Variants in CHRD observed in about 807,000 individuals in gnomAD.
CHRD encodes chordin.
CHRD carries 69 observed loss-of-function variants against 113.7 expected under a neutral mutation model. The observed-to-expected ratio is 0.61, with a 90% CI of 0.50 to 0.74. The LOEUF is 0.74. CHRD is among the 30% of genes least tolerant of loss of function. The pLI is 0.00. For synonymous variants in CHRD, 561 were observed against 540.8 expected (o/e 1.04, Z -0.52); for missense variants, 1,194 against 1,295.8 (o/e 0.92, Z 1.21).
intron 9 of CHRD, 27 bp from the exon 10 acceptor site, chr3:184,382,989 G>A (rs1288486090): frequency 6.2e-7 from 1 of 1,612,492 alleles, no homozygotes; most frequent in Non-Finnish European, 8.5e-7. Context: ...TCTTGCTATT[G>A]CCCATCACAC....
Position 184,387,102 on chromosome 3 carries a change from G to A in CHRD, c.2342G>A (p.Gly781Glu). The change falls in exon 18 of 23, where the codon GGA (glycine) becomes GAA (glutamate). Residue 781 changes from glycine to glutamate, a missense_variant. By Grantham distance (98) the Gly-to-Glu change is moderately conservative (BLOSUM62 -2). Transcript: ENST00000204604. The surrounding 1 kb of genome is among the most constrained non-coding windows in gnomAD (Gnocchi z 6.1). ...GGGCTGCCAAGGAGCCGGGACCCAG[G>A]AGAGGGTGAGCTGGAAGGGTGCGTG... The A allele has an allele frequency of 6.2e-7, 1 of 1,614,074 alleles. No individual in the cohort carries two copies. Among genetic ancestry groups the A allele is most frequent in the East Asian group, 2.2e-5 (1 of 44,880 alleles).
Position 184,381,162 on chromosome 3 carries a change from C to A in CHRD, c.253-73C>A. ...GGCAGAGCTGGCTGACTCTGCGGGACATCCTTGCCTGGGGGGGTCTCATCA... is the reference window on the plus strand; with the variant it reads ...GGCAGAGCTGGCTGACTCTGCGGGAAATCCTTGCCTGGGGGGGTCTCATCA... On this transcript the variant is annotated intron_variant, in intron 2 of 22. Coordinates refer to ENST00000204604, the Ensembl canonical transcript of CHRD. This position sits in a 1 kb window ranked among gnomAD's most constrained non-coding sequence, Gnocchi z 4.7. 6.4e-7 allele frequency: 1 copy of A among 1,563,778 alleles called. No homozygotes were observed. The highest frequency in any genetic ancestry group is 8.8e-7 in the Non-Finnish European group (1 of 1,138,428).
chr3:184,385,336 C>T (rs1716115161), intron 14 of CHRD, 98 bp downstream of exon 14: 2 of 867,758 alleles, frequency 2.3e-6, no homozygotes, highest in African/African-American at 3.3e-5. Context: ...AGCAGGCAGC[C>T]TGGTATAGAA....
At position 184,382,539 on chromosome 3, in the gene CHRD, CAA is replaced by C. The variant is rs766135130; in HGVS notation, c.841+11_841+12del. On this transcript the variant is annotated intron_variant, in intron 7 of 22. Coordinates refer to ENST00000204604, the Ensembl canonical transcript of CHRD. ...CCGGGCCCTGGCTGCAGGTAGGGAG[CAA>C]AGAGCCCCGGGCGTGAAGTTCTGAG... 8 of 1,613,568 alleles carry C rather than the reference CAA, an allele frequency of 5.0e-6. No homozygotes were observed. The East Asian group carries it at 1.8e-4, about 36-fold the overall frequency.
chr3:184,386,341 TG>T, intron 15 of CHRD, 150 bp from the exon 16 acceptor site: 1 of 1,283,748 alleles, frequency 7.8e-7, no homozygotes, highest in Non-Finnish European at 1.1e-6. Context: ...ACCCTATCCC[TG>T]GCAGCTGAGA....
In CHRD at chr3:184,388,271, C is replaced by T. The variant is rs1716655256; in HGVS notation, c.2554+238C>T. ...TCCATCCATCCATCCATCCATCCAT[C>T]CATCCATCCATCCGTCCATTCATCT... On this transcript the variant is annotated intron_variant, in intron 20 of 22. Transcript: ENST00000204604. This position sits in a 1 kb window ranked among gnomAD's most constrained non-coding sequence, Gnocchi z 6.1. Among the ~76,000 whole-genome samples the T allele has an allele frequency of 1.3e-5, 2 of 150,842 alleles. No homozygotes were observed. Among genetic ancestry groups the T allele is most frequent in the South Asian group, 4.2e-4 (2 of 4,802 alleles).
chr3:184,384,440 A>AGT lies in CHRD; in HGVS notation c.1441-89_1441-88dup. 3.1e-6 allele frequency: 4 copies of AGT among 1,309,148 alleles called. No homozygotes were observed. Among genetic ancestry groups the AGT allele is most frequent in the Non-Finnish European group, 3.0e-6 (3 of 1,012,848 alleles). The allele number at this position is 1,309,148 out of a possible 1,614,324, so 81.1% of individuals were successfully genotyped here. ...TTATCCTGTGTTTCTGGTGTGTGGA[A>AGT]GTGTGTGTGGGTGGAGTGGGGGCAC... On this transcript the variant is annotated intron_variant, in intron 12 of 22. Coordinates refer to ENST00000204604, the Ensembl canonical transcript of CHRD. The surrounding 1 kb of genome is among the most constrained non-coding windows in gnomAD (Gnocchi z 4.4).
Position 184,388,562 on chromosome 3 carries a change from A to T in CHRD, c.2555-25A>T. 6.2e-7 allele frequency: 1 copy of T among 1,600,816 alleles called. No individual in the cohort carries two copies. Among genetic ancestry groups the T allele is most frequent in the Non-Finnish European group, 8.5e-7 (1 of 1,177,888 alleles). On this transcript the variant is annotated intron_variant, in intron 20 of 22. Transcript: ENST00000204604. This position sits in a 1 kb window ranked among gnomAD's most constrained non-coding sequence, Gnocchi z 6.1. Reference sequence around the variant, plus strand: ...AAACCTTGTTGGTCCTCCTGGGCTGATCCTTTCTCTTTCCCTCTCAACAGT... The same window carrying T: ...AAACCTTGTTGGTCCTCCTGGGCTGTTCCTTTCTCTTTCCCTCTCAACAGT...
At position 184,386,033 on chromosome 3, in the gene CHRD, T is replaced by C. The variant is rs1287391055; in HGVS notation, c.1819-13T>C. The stretch of plus-strand genomic sequence containing the variant: ...AGTGCCTTATTCCTATCCATTGTCC[T>C]GTCTATGTGCAGGCCCAGGGTGTGG... On this transcript the variant is annotated splice_polypyrimidine_tract_variant and intron_variant, in intron 14 of 22. Coordinates refer to ENST00000204604, the Ensembl canonical transcript of CHRD. 6.2e-7 allele frequency: 1 copy of C among 1,614,082 alleles called. No homozygotes were observed. The highest frequency in any genetic ancestry group is 2.2e-5 in the East Asian group (1 of 44,884).
chr3:184,386,292 T>A, intron 15 of CHRD, 133 bp downstream of exon 15: 1 of 1,194,334 alleles, frequency 8.4e-7, no homozygotes, highest in Non-Finnish European at 1.2e-6. Flanking sequence ...CCCCGGCTGG[T>A]GGGGAGGATG....
At chr3:184,386,411 T>C in intron 15 of CHRD, 81 bp from the exon 16 acceptor site, 3 of 1,509,704 alleles carry the variant, frequency 2.0e-6, no homozygotes, top group Non-Finnish European at 2.6e-6. Context: ...GGCCGAGGTG[T>C]CTCCTGCTGG....
Position 184,384,860 on chromosome 3 carries a change from A to G in CHRD, c.1598-158A>G. ...TGCTGGCGGACTCTTCCTGTTGCTG[A>G]GGTTCAAGGGTCTAAAACTTGCTGC... On this transcript the variant is annotated intron_variant, in intron 13 of 22. Coordinates refer to ENST00000204604, the Ensembl canonical transcript of CHRD. The surrounding 1 kb of genome is among the most constrained non-coding windows in gnomAD (Gnocchi z 4.4). The G allele has an allele frequency of 1.7e-6, 2 of 1,200,130 alleles. No homozygotes were observed. The highest frequency in any genetic ancestry group is 2.3e-5 in the Admixed American group (1 of 44,178). 74.3% of individuals were successfully genotyped at this position (1,200,130 alleles called of 1,614,324 possible).
Position 184,380,289 on chromosome 3 carries a change from T to C in CHRD, c.-30T>C, listed in dbSNP as rs1577375156. The C allele has an allele frequency of 1.2e-6, 1 of 855,110 alleles. No individual in the cohort carries two copies. The highest frequency in any genetic ancestry group is 1.4e-6 in the Non-Finnish European group (1 of 690,364). 53.0% of individuals were successfully genotyped at this position (855,110 alleles called of 1,614,324 possible). On this transcript the variant is annotated 5_prime_UTR_variant, in exon 1 of 23. Coordinates refer to ENST00000204604, the Ensembl canonical transcript of CHRD. The surrounding 1 kb of genome is among the most constrained non-coding windows in gnomAD (Gnocchi z 6.3). ...CCGCCCGCTCCCGCGCCCTCCTCCC[T>C]CCCTCCTCCCCAGCTGTCCCGTTCG...
chr3:184,383,574 A>G, exon 12 of CHRD: 1 of 1,614,140 alleles, frequency 6.2e-7, no homozygotes, highest in Non-Finnish European at 8.5e-7. Flanking sequence ...ACTGGAGACC[A>G]AGCCTCAGCG....
In CHRD at chr3:184,384,823, A is replaced by G. The variant is rs1444378328; in HGVS notation, c.1597+130A>G. 29 of 1,325,464 alleles carry G rather than the reference A, an allele frequency of 2.2e-5. No homozygotes were observed. In the African/African-American group the frequency reaches 4.0e-4, roughly 18 times the overall value. The allele number at this position is 1,325,464 out of a possible 1,614,324, so 82.1% of individuals were successfully genotyped here. ...GGTTGCCATCTGAAGGTGGGGACAT[A>G]TAGGGTGGCCCTGCTGGCGGACTCT... On this transcript the variant is annotated intron_variant, in intron 13 of 22. Transcript: ENST00000204604. The surrounding 1 kb of genome is among the most constrained non-coding windows in gnomAD (Gnocchi z 4.4).
In CHRD at chr3:184,384,828, G is replaced by A; in HGVS notation, c.1597+135G>A. 7.7e-7 allele frequency: 1 copy of A among 1,306,716 alleles called. No homozygotes were observed. Among genetic ancestry groups the A allele is most frequent in the Non-Finnish European group, 1.0e-6 (1 of 963,482 alleles). 80.9% of individuals were successfully genotyped at this position (1,306,716 alleles called of 1,614,324 possible). On this transcript the variant is annotated intron_variant, in intron 13 of 22. Coordinates refer to ENST00000204604, the Ensembl canonical transcript of CHRD. The surrounding 1 kb of genome is among the most constrained non-coding windows in gnomAD (Gnocchi z 4.4). ...CCATCTGAAGGTGGGGACATATAGG[G>A]TGGCCCTGCTGGCGGACTCTTCCTG...
At position 184,381,072 on chromosome 3, in the gene CHRD, C is replaced by T. The variant is rs750443666; in HGVS notation, c.253-163C>T. ...TAGAGAGTATTATTATCCCCATTTT[C>T]CAGACAGGGACCTTGAGGCCCAGAG... On this transcript the variant is annotated intron_variant, in intron 2 of 22. Transcript: ENST00000204604. The surrounding 1 kb of genome is among the most constrained non-coding windows in gnomAD (Gnocchi z 4.7). The T allele has an allele frequency of 1.2e-6, 1 of 839,746 alleles. No individual in the cohort carries two copies. Among genetic ancestry groups the T allele is most frequent in the Non-Finnish European group, 2.0e-6 (1 of 500,954 alleles). 52.0% of individuals were successfully genotyped at this position (839,746 alleles called of 1,614,324 possible).
Position 184,380,458 on chromosome 3 carries a change from G to A in CHRD, c.140G>A (p.Gly47Glu). ...GAGAAGGAGCCGCTGCCCGTTCGGGGAGCGGCAGGTAGGTGGGCGCCCGGG... is the reference window on the plus strand; with the variant it reads ...GAGAAGGAGCCGCTGCCCGTTCGGGAAGCGGCAGGTAGGTGGGCGCCCGGG... The change falls in exon 1 of 23, where the codon GGA becomes GAA. Residue 47 changes from glycine (G) to glutamate (E), a missense_variant. Physicochemically the swap from Gly to Glu is moderately conservative, Grantham distance 98. Transcript: ENST00000204604. The surrounding 1 kb of genome is among the most constrained non-coding windows in gnomAD (Gnocchi z 6.3). 1 of 1,215,348 alleles carries A rather than the reference G, an allele frequency of 8.2e-7. No individual in the cohort carries two copies. The highest frequency in any genetic ancestry group is 4.5e-5 in the Admixed American group (1 of 22,460). 75.3% of individuals were successfully genotyped at this position (1,215,348 alleles called of 1,614,324 possible). A position where few individuals can be genotyped will look rare whatever the true frequency, so the allele number is the denominator to read the frequency against.
In CHRD at chr3:184,388,483, CCTA is replaced by C; in HGVS notation, c.2555-100_2555-98del. The C allele has an allele frequency of 7.5e-7, 1 of 1,326,258 alleles. No homozygotes were observed. The highest frequency in any genetic ancestry group is 2.3e-5 in the East Asian group (1 of 43,026). The allele number at this position is 1,326,258 out of a possible 1,614,324, so 82.2% of individuals were successfully genotyped here. On this transcript the variant is annotated intron_variant, in intron 20 of 22. Transcript: ENST00000204604. The surrounding 1 kb of genome is among the most constrained non-coding windows in gnomAD (Gnocchi z 6.1). ...CCCACCCACCCATCCAAATTTATCA[CCTA>C]CTAAGTGCCAGAAACTGCAACGTGC...
Sources: allele counts gnomAD v4.1 joint callset (sites outside exome capture counted in the v4.1 genomes callset), GRCh38; gene constraint gnomAD v4.1.1; non-coding constraint Gnocchi (gnomAD v3.1); transcripts MANE v1.5; gene names NCBI Gene and HGNC (gene_info 2026-07-23, HGNC 2026-07-21).